PKHD1: variants seen among roughly 807,000 people sequenced by gnomAD.
PKHD1 encodes PKHD1 ciliary IPT domain containing fibrocystin/polyductin, also known as fibrocystin.
Under a neutral mutation model 412.0 loss-of-function variants are expected in PKHD1, and 291 were observed. The ratio of observed to expected loss-of-function variants is 0.71; its 90% CI spans 0.64 to 0.78. The LOEUF is 0.78. Among genes scored for constraint, PKHD1 ranks in the 30% least tolerant of loss-of-function variants. The pLI is 0.00. For synonymous variants in PKHD1, 1,777 were observed against 1,821.5 expected (o/e 0.98, Z 0.62); for missense variants, 4,825 against 4,950.7 (o/e 0.97, Z 0.76).
intron 35 of PKHD1, among the ~76,000 whole-genome samples, chr6:51,997,927 A>G (rs112263670): frequency 0.011 from 1,652 of 152,340 alleles, 40 homozygotes; most frequent in African/African-American, 0.037. Flanking sequence ...ATGTAAATCC[A>G]GTTCTGATTC....
At position 51,632,869 on chromosome 6, in the gene PKHD1, A is replaced by C. The variant is rs188223468; in HGVS notation, c.11507-146T>G. On this transcript the variant is annotated intron_variant, in intron 64 of 66. Transcript: ENST00000371117. ...ATTCATTAAATTTAATAAATACATA[A>C]ATTATAAATCCAAGATTTATATTTC... 5 of 528,886 alleles carry C rather than the reference A, an allele frequency of 9.5e-6. No individual in the cohort carries two copies. In the East Asian group the frequency reaches 1.6e-4, roughly 17 times the overall value. The allele number at this position is 528,886 out of a possible 1,614,324, so 32.8% of individuals were successfully genotyped here.
intron 55 of PKHD1, 119 bp downstream of exon 55, chr6:51,772,583 G>T: frequency 7.1e-6 from 4 of 561,508 alleles, no homozygotes; most frequent in Non-Finnish European, 1.3e-5. Flanking sequence ...TTTTCTACTT[G>T]CTCATCCTTT....
At chr6:51,881,774 C>T (rs1777414363) in intron 46 of PKHD1, among the ~76,000 whole-genome samples, 2 of 152,124 alleles carry the variant, frequency 1.3e-5, no homozygotes, top group African/African-American at 4.8e-5. Flanking sequence ...TAATAGTTGG[C>T]TCTTTAATTA....
chr6:51,981,356 T>TC (rs1438345079), intron 35 of PKHD1, among the ~76,000 whole-genome samples: 6 of 61,168 alleles, frequency 9.8e-5, no homozygotes, highest in Admixed American at 2.5e-4. Flanking sequence ...CCTCTCCCTC[T>TC]CCCTCTCCCT....
intron 52 of PKHD1, among the ~76,000 whole-genome samples, chr6:51,812,530 C>G (rs1021234630): frequency 6.6e-6 from 1 of 152,174 alleles, no homozygotes; most frequent in Admixed American, 6.5e-5. Flanking sequence ...GATATTAAAA[C>G]TGACAAACAG....
At chr6:51,746,097 G>A (rs1333535000) in intron 59 of PKHD1, among the ~76,000 whole-genome samples, 2 of 151,786 alleles carry the variant, frequency 1.3e-5, no homozygotes, top group African/African-American at 4.8e-5. Context: ...CTCTTTCATG[G>A]CATAAAAAAA....
At chr6:51,770,617 C>A (rs1471369892) in intron 55 of PKHD1, among the ~76,000 whole-genome samples, 2 of 148,664 alleles carry the variant, frequency 1.3e-5, no homozygotes, top group African/African-American at 5.0e-5. Flanking sequence ...TGCTTTTATT[C>A]TTTTACCATT....
intron 61 of PKHD1, among the ~76,000 whole-genome samples, chr6:51,656,315 G>A (rs1173838310): frequency 2.0e-5 from 3 of 152,150 alleles, no homozygotes; most frequent in African/African-American, 7.2e-5. Context: ...CACAGTGAGG[G>A]GAACATCACA....
intron 60 of PKHD1, among the ~76,000 whole-genome samples, chr6:51,724,634 T>A (rs1167743742): frequency 6.6e-6 from 1 of 152,192 alleles, no homozygotes; most frequent in Non-Finnish European, 1.5e-5. Context: ...ACTGTGTATG[T>A]TAGTCTGAAT....
Position 51,772,748 on chromosome 6 carries a change from T to C in PKHD1, c.8596A>G (p.Asn2866Asp). The C allele has an allele frequency of 6.2e-7, 1 of 1,600,522 alleles. No homozygotes were observed. Among genetic ancestry groups the C allele is most frequent in the Non-Finnish European group, 8.6e-7 (1 of 1,168,170 alleles). Residue 2866 changes from asparagine to aspartate, a missense_variant, in exon 55 of 67, where the codon AAC (asparagine) becomes GAC (aspartate). Physicochemically the swap from Asn to Asp is conservative, Grantham distance 23. Coordinates refer to ENST00000371117, the MANE Select transcript of PKHD1 (RefSeq NM_138694.4). ...KVHLYSAYPKNSWTHLGADIA... is the reference protein window; with the variant it reads ...KVHLYSAYPKDSWTHLGADIA... ...TCAGCTCCAAGATGTGTCCAGGAGT[T>C]CTTAGGATAAGCACTGTAAAGATGA...
At chr6:51,820,441 CAAT>C (rs2151449941) in intron 52 of PKHD1, among the ~76,000 whole-genome samples, 1 of 152,248 alleles carries the variant, frequency 6.6e-6, no homozygotes, top group East Asian at 1.9e-4. Flanking sequence ...AGAATTTCTG[CAAT>C]AATGACATTG....
In PKHD1 at chr6:51,692,744, CTAAGT is replaced by C. The variant is rs199625871; in HGVS notation, c.10157-32780_10157-32776del. On this transcript the variant is annotated intron_variant, in intron 60 of 66. Coordinates refer to ENST00000371117, the MANE Select transcript of PKHD1 (RefSeq NM_138694.4). ...ACTTACTGTCAAACTCTTTGAAAAG[CTAAGT>C]TTTCTTATGGTTTTGTTTTATATTA... 4.5e-3 allele frequency among the ~76,000 whole-genome samples: 682 copies of C among 152,108 alleles called. 3 individuals carry two copies. Among genetic ancestry groups the C allele is most frequent in the Non-Finnish European group, 6.9e-3 (472 of 67,986 alleles).
intron 55 of PKHD1, among the ~76,000 whole-genome samples, chr6:51,771,735 T>C (rs1790175145): frequency 6.6e-6 from 1 of 152,182 alleles, no homozygotes; most frequent in Non-Finnish European, 1.5e-5. Context: ...TGTTCCCAAA[T>C]TTTAAGTTTA....
intron 60 of PKHD1, among the ~76,000 whole-genome samples, chr6:51,707,551 A>C (rs1329294537): frequency 6.6e-6 from 1 of 152,174 alleles, no homozygotes; most frequent in Non-Finnish European, 1.5e-5. Context: ...ATCTTAACAG[A>C]TCCTTTCCCC....
intron 60 of PKHD1, among the ~76,000 whole-genome samples, chr6:51,700,596 T>C (rs1683829477): frequency 6.6e-6 from 1 of 152,080 alleles, no homozygotes; most frequent in Admixed American, 6.6e-5. Flanking sequence ...ACTACTAGTT[T>C]ACTGCACCCC....
Position 52,033,166 on chromosome 6 carries a change from CT to C in PKHD1, c.3229-2del, listed in dbSNP as rs1057516283. ...CATTCACAATGCGTCCATCTTTCCC[CT>C]GAAAAATCAATTTTAAAAATTAAAC... is the stretch of plus-strand genomic sequence containing the variant. On this transcript the variant is annotated splice_acceptor_variant, in intron 28 of 66. Coordinates refer to ENST00000371117, the MANE Select transcript of PKHD1 (RefSeq NM_138694.4). LOFTEE classifies it high-confidence loss of function. 25 of 1,611,948 alleles carry C rather than the reference CT, an allele frequency of 1.6e-5. No individual in the cohort carries two copies. Among genetic ancestry groups the C allele is most frequent in the Non-Finnish European group, 2.0e-5 (24 of 1,178,348 alleles).
At chr6:52,049,285 C>A (rs1267304728) in intron 22 of PKHD1, among the ~76,000 whole-genome samples, 1 of 152,170 alleles carries the variant, frequency 6.6e-6, no homozygotes, top group Non-Finnish European at 1.5e-5. Context: ...AATTGTAACA[C>A]AATGCTACAT....
At chr6:51,742,948 A>G (rs1784741833) in intron 60 of PKHD1, among the ~76,000 whole-genome samples, 1 of 152,146 alleles carries the variant, frequency 6.6e-6, no homozygotes, top group Non-Finnish European at 1.5e-5. Context: ...AAAATATTCC[A>G]GGAAGAGGAA....
chr6:51,965,611 A>T (rs922457116), intron 35 of PKHD1, among the ~76,000 whole-genome samples: 1 of 151,950 alleles, frequency 6.6e-6, no homozygotes, highest in African/African-American at 2.4e-5. Flanking sequence ...ACAAGATAAC[A>T]TGAGAATGTC....
Sources: allele counts gnomAD v4.1 joint callset (sites outside exome capture counted in the v4.1 genomes callset), GRCh38; gene constraint gnomAD v4.1.1; transcripts MANE v1.5; gene names NCBI Gene and HGNC (gene_info 2026-07-23, HGNC 2026-07-21).